The following PTPN20 variants were observed in gnomAD, a reference collection of about 807,000 sequenced individuals.
PTPN20 encodes tyrosine-protein phosphatase non-receptor type 20.
A neutral mutation model predicts 35.0 loss-of-function variants in PTPN20; 9 were observed. The ratio of observed to expected loss-of-function variants is 0.26; its 90% confidence interval spans 0.15 to 0.45. PTPN20 has a LOEUF of 0.45. PTPN20 is among the 20% of genes least tolerant of loss of function. PTPN20 has a pLI of 1.00. For synonymous variants in PTPN20, 32 were observed against 100.2 expected (o/e 0.32, Z 4.06); for missense variants, 111 against 312.5 (o/e 0.36, Z 4.86).
intron 5 of PTPN20, among the ~76,000 whole-genome samples, chr10:46,953,578 A>G (rs2047499894): frequency 7.2e-6 from 1 of 138,144 alleles, no homozygotes; most frequent in African/African-American, 3.2e-5. Context: ...AGATTAAGGG[A>G]GCCTTCCTAT....
intron 9 of PTPN20, among the ~76,000 whole-genome samples, chr10:46,994,436 A>G (rs1199742255): frequency 2.1e-5 from 3 of 142,136 alleles, no homozygotes; most frequent in Non-Finnish European, 4.5e-5. Context: ...GGTTCACGCC[A>G]TTCTCCTGCC....
chr10:46,994,477 G>A (rs1333925432), intron 9 of PTPN20, among the ~76,000 whole-genome samples: 2 of 151,726 alleles, frequency 1.3e-5, no homozygotes, highest in African/African-American at 4.8e-5. Context: ...GACTACAGGC[G>A]CCCGCCATCA....
intron 2 of PTPN20, among the ~76,000 whole-genome samples, chr10:46,937,275 T>C (rs1435645232): frequency 3.4e-5 from 5 of 147,010 alleles, no homozygotes; most frequent in Admixed American, 3.4e-4. Context: ...TCTTTGTTTT[T>C]CTATATTTAA....
At chr10:46,967,573 A>T (rs2051039936) in intron 6 of PTPN20, among the ~76,000 whole-genome samples, 1 of 150,082 alleles carries the variant, frequency 6.7e-6, no homozygotes. Context: ...TTTTGTTTAT[A>T]TGTTTTTGTT....
At chr10:46,998,794 C>T (rs1555183308) in intron 9 of PTPN20, among the ~76,000 whole-genome samples, 5 of 151,896 alleles carry the variant, frequency 3.3e-5, no homozygotes, top group African/African-American at 1.2e-4. Flanking sequence ...CAGGGCCACC[C>T]TGTACAACTT....
chr10:46,938,473 C>T (rs1229691920), intron 2 of PTPN20, among the ~76,000 whole-genome samples: 20 of 17,766 alleles, frequency 1.1e-3, no homozygotes, highest in Admixed American at 0.011. Context: ...TGAACTGTTC[C>T]TAGGAATTGT....
intron 1 of PTPN20, chr10:46,926,229 A>G (rs1305390328): frequency 1.1e-6 from 1 of 946,828 alleles, no homozygotes; most frequent in Admixed American, 6.2e-5. Flanking sequence ...GTCCTTATTT[A>G]TATAAGCCCA....
intron 5 of PTPN20, among the ~76,000 whole-genome samples, chr10:46,953,238 A>G (rs1333560737): frequency 1.4e-5 from 2 of 144,486 alleles, no homozygotes; most frequent in Non-Finnish European, 3.0e-5. Context: ...AGGGCCTTTT[A>G]AATATATTTT....
chr10:47,002,767 A>G (rs1351390177), downstream of PTPN20, among the ~76,000 whole-genome samples: 4 of 151,968 alleles, frequency 2.6e-5, no homozygotes, highest in Non-Finnish European at 5.9e-5. Context: ...AAAGCTTTTC[A>G]GAAATAAACA....
At chr10:46,981,073 C>T (rs1294025564) in intron 7 of PTPN20, among the ~76,000 whole-genome samples, 2 of 150,066 alleles carry the variant, frequency 1.3e-5, no homozygotes, top group African/African-American at 4.9e-5. Context: ...GCTGGATGGT[C>T]AGGGAATTTG....
intron 1 of PTPN20, 55 bp from the exon 2 acceptor site, chr10:46,932,322 T>A: frequency 1.3e-6 from 2 of 1,565,062 alleles, no homozygotes; most frequent in Non-Finnish European, 1.7e-6. Context: ...ATGTCAAAGC[T>A]GTGATAGCTC....
downstream of PTPN20, among the ~76,000 whole-genome samples, chr10:47,003,035 G>T (rs1341887800): frequency 6.6e-6 from 1 of 151,784 alleles, no homozygotes; most frequent in Non-Finnish European, 1.5e-5. Context: ...TTGTCTTGAG[G>T]TTCATGTAAT....
intron 7 of PTPN20, among the ~76,000 whole-genome samples, chr10:46,977,675 G>A (rs1445373908): frequency 1.6e-5 from 2 of 126,112 alleles, no homozygotes; most frequent in East Asian, 5.1e-4. Flanking sequence ...ATGTAGAGAA[G>A]GAAAGGATGA....
chr10:46,939,582 A>T, intron 2 of PTPN20, among the ~76,000 whole-genome samples: 3 of 137,398 alleles, frequency 2.2e-5, no homozygotes, highest in Non-Finnish European at 3.1e-5. Flanking sequence ...CTGTTATTAT[A>T]TTTTTCTTTA....
At chr10:46,947,686 C>A (rs2045377428) in intron 5 of PTPN20, among the ~76,000 whole-genome samples, 1 of 151,498 alleles carries the variant, frequency 6.6e-6, no homozygotes, top group South Asian at 2.1e-4. Flanking sequence ...AATCTATTTT[C>A]ATTCTCTTTA....
intron 5 of PTPN20, among the ~76,000 whole-genome samples, chr10:46,957,467 G>A (rs2048732606): frequency 1.3e-5 from 2 of 151,870 alleles, no homozygotes; most frequent in East Asian, 1.9e-4. Flanking sequence ...CAGGCATGGT[G>A]GCTCATGCCA....
At chr10:46,937,370 T>G (rs1468300731) in intron 2 of PTPN20, among the ~76,000 whole-genome samples, 64 of 152,132 alleles carry the variant, frequency 4.2e-4, no homozygotes, top group African/African-American at 1.5e-3. Flanking sequence ...GCTCATATAT[T>G]ACATTTGTAT....
chr10:46,977,292 A>G, intron 7 of PTPN20, among the ~76,000 whole-genome samples: 1 of 152,294 alleles, frequency 6.6e-6, no homozygotes, highest in Non-Finnish European at 1.5e-5. Flanking sequence ...GCCAGTCCCC[A>G]CAATCATGAG....
chr10:46,994,265 T>A (rs2137558055), intron 9 of PTPN20, among the ~76,000 whole-genome samples: 1 of 151,908 alleles, frequency 6.6e-6, no homozygotes, highest in African/African-American at 2.4e-5. Context: ...AGTTTTATTA[T>A]TTTATGCTTT....
Sources: allele counts gnomAD v4.1 joint callset (sites outside exome capture counted in the v4.1 genomes callset), GRCh38; gene constraint gnomAD v4.1.1; transcripts MANE v1.5; gene names NCBI Gene and HGNC (gene_info 2026-07-23, HGNC 2026-07-21).